Variants in STK39 observed in about 807,000 individuals in gnomAD.
STK39 encodes the protein STE20/SPS1-related proline-alanine-rich protein kinase.
STK39 carries 20 observed loss-of-function variants against 77.8 expected under a neutral mutation model. The observed-to-expected ratio is 0.26, with a 90% confidence interval of 0.18 to 0.37. STK39 has a LOEUF of 0.37. STK39 is among the 10% of genes least tolerant of loss of function. The pLI, the probability that STK39 is intolerant of heterozygous loss-of-function variation, is 1.00. For synonymous variants in STK39, 246 were observed against 234.1 expected, an observed-to-expected ratio of 1.05 and a Z score of -0.47; for missense variants, 479 against 656.5, an observed-to-expected ratio of 0.73 and a Z score of 2.95.
intron 16 of STK39, among the ~76,000 whole-genome samples, chr2:167,976,629 C>T (rs1683283500): frequency 6.6e-6 from 1 of 152,140 alleles, no homozygotes; most frequent in Non-Finnish European, 1.5e-5. Context: ...ATGGCTCCAC[C>T]TGGACCCGCC....
At chr2:168,006,353 A>G (rs1684133889) in intron 16 of STK39, among the ~76,000 whole-genome samples, 1 of 152,176 alleles carries the variant, frequency 6.6e-6, no homozygotes, top group African/African-American at 2.4e-5. Context: ...TACTAAACTA[A>G]TTCCTCAAAA....
Position 168,242,560 on chromosome 2 carries a change from AATAT to A in STK39, c.208+4664_208+4667del, listed in dbSNP as rs59941306. Among the ~76,000 whole-genome samples the A allele has an allele frequency of 6.4e-3, 288 of 44,722 alleles. 6 individuals carry two copies. Among genetic ancestry groups the A allele is most frequent in the African/African-American group, 0.011 (104 of 9,046 alleles). 29.3% of individuals were successfully genotyped at this position (44,722 alleles called of 152,430 possible). On this transcript the variant is annotated intron_variant, in intron 1 of 17. Transcript: ENST00000355999. ...CAAGACTCTTACAAAAAAAAAAAAA[AATAT>A]ATATATATATATATATATATATATA... is the stretch of plus-strand genomic sequence containing the variant.
At chr2:168,247,151 G>T in intron 1 of STK39, 77 bp downstream of exon 1, 2 of 1,020,620 alleles carry the variant, frequency 2.0e-6, no homozygotes, top group Non-Finnish European at 2.4e-6. Flanking sequence ...ATGCAGGCTA[G>T]CCCAGCATCC....
In STK39 at chr2:168,173,421, A is replaced by G. The variant is rs574962218; in HGVS notation, c.322-6014T>C. On this transcript the variant is annotated intron_variant, in intron 2 of 17. Coordinates refer to ENST00000355999, the MANE Select transcript of STK39 (RefSeq NM_013233.3). ...TTAAGTAGCAGGTTTAACCAAAAAC[A>G]AATTTCAGTGATTTCAAACGTCAAC... Among the ~76,000 whole-genome samples the G allele has an allele frequency of 3.0e-3, 461 of 152,310 alleles. 6 individuals carry two copies. The highest frequency in any genetic ancestry group is 0.01 in the African/African-American group (433 of 41,572).
At chr2:168,129,520 A>G (rs1393729747) in intron 10 of STK39, 21 bp downstream of exon 10, 1 of 1,613,936 alleles carries the variant, frequency 6.2e-7, no homozygotes, top group African/African-American at 1.3e-5. Context: ...CTACAGGGTC[A>G]TGAAGGCTAA....
chr2:168,218,585 T>G (rs140751539), intron 1 of STK39, among the ~76,000 whole-genome samples: 66 of 152,258 alleles, frequency 4.3e-4, no homozygotes, highest in Non-Finnish European at 8.4e-4. Context: ...TGAGAGAAAC[T>G]CCTGTGATTT....
rs982345559 is a variant in STK39, at chr2:168,001,372, C to T, written c.1498+11262G>A. On this transcript the variant is annotated intron_variant, in intron 16 of 17. Coordinates refer to ENST00000355999, the MANE Select transcript of STK39 (RefSeq NM_013233.3). ...TGATGACAAGGACAAGTTTCTAAAT[C>T]TATCGGCAGGTGACCAGTCCAGATC... Among the ~76,000 whole-genome samples the T allele has an allele frequency of 2.6e-5, 4 of 151,736 alleles. 1 individual carries two copies. Among genetic ancestry groups the T allele is most frequent in the Non-Finnish European group, 5.9e-5 (4 of 67,992 alleles).
In STK39 at chr2:168,184,060, C is replaced by T. The variant is rs542326008; in HGVS notation, c.209-1970G>A. 1.1e-4 allele frequency among the ~76,000 whole-genome samples: 16 copies of T among 152,294 alleles called. 1 individual carries two copies. The South Asian group carries it at 3.3e-3, about 32-fold the overall frequency. On this transcript the variant is annotated intron_variant, in intron 1 of 17. Transcript: ENST00000355999. ...TAAATCTCCCCCCAGCTCAGCTTCT[C>T]CATCCTTAATCTACATTCCAGAACA...
intron 2 of STK39, among the ~76,000 whole-genome samples, chr2:168,180,021 T>A (rs1279342736): frequency 6.6e-6 from 1 of 151,306 alleles, no homozygotes; most frequent in Non-Finnish European, 1.5e-5. Flanking sequence ...GCAAAAAAAA[T>A]GGCTGAGACC....
At chr2:167,994,388 T>C (rs760435610) in intron 16 of STK39, among the ~76,000 whole-genome samples, 39 of 152,324 alleles carry the variant, frequency 2.6e-4, no homozygotes, top group Non-Finnish European at 4.6e-4. Context: ...AATGCTACAA[T>C]GCAAACATTT....
intron 1 of STK39, among the ~76,000 whole-genome samples, chr2:168,200,787 T>C (rs1689594464): frequency 6.6e-6 from 1 of 152,236 alleles, no homozygotes; most frequent in Non-Finnish European, 1.5e-5. Flanking sequence ...ATTACATGTT[T>C]ACCTTTTATT....
chr2:167,972,255 T>C (rs1437226859), intron 16 of STK39, among the ~76,000 whole-genome samples: 2 of 152,212 alleles, frequency 1.3e-5, no homozygotes, highest in South Asian at 2.1e-4. Flanking sequence ...TTTATCTCTC[T>C]TGTAAAGTTT....
chr2:168,090,643 G>C (rs2105432729), intron 10 of STK39, among the ~76,000 whole-genome samples: 1 of 152,250 alleles, frequency 6.6e-6, no homozygotes, highest in East Asian at 1.9e-4. Context: ...AATATTAGTT[G>C]AACAAGTCAA....
intron 16 of STK39, among the ~76,000 whole-genome samples, chr2:168,010,174 A>G (rs979686940): frequency 6.6e-6 from 1 of 152,226 alleles, no homozygotes; most frequent in Non-Finnish European, 1.5e-5. Context: ...GGTGTTTCAA[A>G]GAAGTTTTTG....
chr2:168,115,102 C>T (rs1687224495), intron 10 of STK39, among the ~76,000 whole-genome samples: 1 of 152,134 alleles, frequency 6.6e-6, no homozygotes. Context: ...TCTAATCTCT[C>T]CTAAAGTACT....
intron 1 of STK39, among the ~76,000 whole-genome samples, chr2:168,198,545 T>C (rs1430117082): frequency 6.6e-6 from 1 of 152,168 alleles, no homozygotes; most frequent in African/African-American, 2.4e-5. Flanking sequence ...ACCAAGTAAG[T>C]AAAAAAGAAA....
At chr2:167,988,049 G>C (rs79748564) in intron 16 of STK39, among the ~76,000 whole-genome samples, 7,678 of 152,218 alleles carry the variant, frequency 0.05, 696 homozygotes, top group African/African-American at 0.17. Context: ...GGGAGGGACA[G>C]AGGCAAGATT....
At chr2:168,183,603 C>T (rs1267859410) in intron 1 of STK39, among the ~76,000 whole-genome samples, 4 of 152,152 alleles carry the variant, frequency 2.6e-5, no homozygotes, top group African/African-American at 9.6e-5. Context: ...TTCTTCCATC[C>T]TATATGGTTC....
chr2:168,077,885 C>T (rs1198677733), intron 10 of STK39, among the ~76,000 whole-genome samples: 1 of 146,258 alleles, frequency 6.8e-6, no homozygotes, highest in Non-Finnish European at 1.5e-5. Flanking sequence ...TGAATAATAC[C>T]TTGCAAAGTT....
Sources: allele counts gnomAD v4.1 joint callset (sites outside exome capture counted in the v4.1 genomes callset), GRCh38; gene constraint gnomAD v4.1.1; transcripts MANE v1.5; gene names NCBI Gene and HGNC (gene_info 2026-07-23, HGNC 2026-07-21).